Variants in NAA11 observed in about 807,000 individuals in gnomAD.
The protein encoded by NAA11 is N-alpha-acetyltransferase 11, NatA catalytic subunit, also known as N-alpha-acetyltransferase 11.
Under a neutral mutation model 16.1 loss-of-function variants are expected in NAA11, and 15 were observed. That is an observed-to-expected ratio of 0.93 (90% CI 0.62 to 1.44). The LOEUF is 1.44. Ranked by LOEUF, NAA11 falls within the 40% of genes most tolerant of loss-of-function variation. The pLI is 0.00. For missense variants in NAA11, 298 were observed against 291.3 expected (o/e 1.02, Z -0.17); for synonymous variants, 122 against 112.4 (o/e 1.09, Z -0.54).
intron 1 of NAA11, among the ~76,000 whole-genome samples, chr4:79,322,983 GC>G: frequency 6.6e-6 from 1 of 151,556 alleles, no homozygotes; most frequent in East Asian, 1.9e-4. Context: ...GCATTAAAAT[GC>G]AAAAAAAAAG....
At chr4:79,316,116 C>T (rs2110013975), downstream of NAA11, among the ~76,000 whole-genome samples, 1 of 152,268 alleles carries the variant, frequency 6.6e-6, no homozygotes, top group African/African-American at 2.4e-5. Context: ...CCTTCTGTTT[C>T]TCCATCTGCT....
At chr4:79,208,587 A>C in the NAA11 span, among the ~76,000 whole-genome samples, 1 of 152,140 alleles carries the variant, frequency 6.6e-6, no homozygotes, top group Non-Finnish European at 1.5e-5. Flanking sequence ...CATCTATAAA[A>C]GGAGAGATTA....
At chr4:79,302,623 A>G (rs1457741784) in intron 1 of NAA11, among the ~76,000 whole-genome samples, 1 of 152,154 alleles carries the variant, frequency 6.6e-6, no homozygotes, top group Admixed American at 6.5e-5. Flanking sequence ...ATATTTGTAT[A>G]TACATTTGTG....
rs1724271471 is a variant in NAA11, at chr4:79,326,014, TG to T, written c.-138del. ...CGGGCTGAATCGTGTGGAGGGCGGATGGCGGGAAGGCGGAAGGAGCAGGAGA... is the reference window on the plus strand; with the variant it reads ...CGGGCTGAATCGTGTGGAGGGCGGATGCGGGAAGGCGGAAGGAGCAGGAGA... On this transcript the variant is annotated 5_prime_UTR_variant, in exon 1 of 2. Coordinates refer to ENST00000286794, the MANE Select transcript of NAA11 (RefSeq NM_032693.3). 14 of 714,660 alleles carry T rather than the reference TG, an allele frequency of 2.0e-5. No homozygotes were observed. In the East Asian group the frequency reaches 3.8e-4, roughly 19 times the overall value. 44.3% of individuals were successfully genotyped at this position (714,660 alleles called of 1,614,324 possible).
intron 2 of NAA11, among the ~76,000 whole-genome samples, chr4:79,240,456 T>C (rs1341808047): frequency 2.6e-5 from 4 of 152,124 alleles, no homozygotes; most frequent in Non-Finnish European, 4.4e-5. Flanking sequence ...AATACAAGGG[T>C]CTGGAAATCA....
Position 79,265,057 on chromosome 4 carries a change from A to G in NAA11, c.*122+28948T>C, listed in dbSNP as rs189875205. ...GTCTCCTAAAACCTTTCCTTTTACA[A>G]TTTTCCCTATCTCAATAAATGGCAA... is the stretch of plus-strand genomic sequence containing the variant. On this transcript the variant is annotated intron_variant and NMD_transcript_variant, in intron 2 of 2. Coordinates refer to the NAA11 transcript ENST00000511542. Among the ~76,000 whole-genome samples, 693 of 152,148 alleles carry G rather than the reference A, an allele frequency of 4.6e-3. 7 individuals carry two copies. Among genetic ancestry groups the G allele is most frequent in the African/African-American group, 0.016 (647 of 41,502 alleles).
the NAA11 span, among the ~76,000 whole-genome samples, chr4:79,202,591 A>G: frequency 7.7e-6 from 1 of 130,404 alleles, no homozygotes; most frequent in Non-Finnish European, 1.7e-5. Context: ...GTAGTTTTAT[A>G]TATATAGTTT....
the NAA11 span, among the ~76,000 whole-genome samples, chr4:79,207,526 G>C: frequency 6.6e-6 from 1 of 152,078 alleles, no homozygotes; most frequent in Non-Finnish European, 1.5e-5. Flanking sequence ...CAGGAAGAGA[G>C]GCTTCACAAG....
chr4:79,325,086 A>T, intron 1 of NAA11, 90 bp downstream of exon 1: 1 of 1,202,170 alleles, frequency 8.3e-7, no homozygotes, highest in Non-Finnish European at 1.1e-6. Context: ...GCAGGGCCAG[A>T]ATGGGGTAAG....
Position 79,245,257 on chromosome 4 carries a change from G to A in NAA11, c.*123-18987C>T, listed in dbSNP as rs368322436. The A allele has an allele frequency of 2.8e-3, 454 of 160,374 alleles. 4 individuals are homozygous for A. The highest frequency in any genetic ancestry group is 0.01 in the African/African-American group (427 of 41,550). 9.9% of individuals were successfully genotyped at this position (160,374 alleles called of 1,614,324 possible). A position where few individuals can be genotyped will look rare whatever the true frequency, so the allele number is the denominator to read the frequency against. On this transcript the variant is annotated intron_variant and NMD_transcript_variant, in intron 2 of 2. Coordinates refer to the NAA11 transcript ENST00000511542. ...CTGGCTGCCCAGTCTGGGAAGTGAG[G>A]AGCGCCTCTTCCCGGGCCATCATCC...
At chr4:79,289,584 C>G (rs750610800) in intron 2 of NAA11, among the ~76,000 whole-genome samples, 73 of 152,098 alleles carry the variant, frequency 4.8e-4, no homozygotes, top group Non-Finnish European at 9.4e-4. Context: ...AAGAAAAAGC[C>G]AGAACTCAGA....
rs766788650 is a variant in NAA11 at position 79,325,809 on chromosome 4, A to G, written c.69T>C (p.Pro23=). 1 of 1,614,156 alleles carries G rather than the reference A, an allele frequency of 6.2e-7. No homozygotes were observed. The highest frequency in any genetic ancestry group is 8.5e-7 in the Non-Finnish European group (1 of 1,179,990). Residue 23 remains proline, a synonymous_variant, in exon 1 of 2, where the codon CCT becomes CCC. Coordinates refer to ENST00000286794, the MANE Select transcript of NAA11 (RefSeq NM_032693.3). ...AATAGTATTTCATCTGGTAGTTCTCAGGAAGGCAAAGGAGGTTGCAGTGTT... is the reference window on the plus strand; with the variant it reads ...AATAGTATTTCATCTGGTAGTTCTCGGGAAGGCAAAGGAGGTTGCAGTGTT... ...NMQHCNLLCL[P]ENYQMKYYLY...
chr4:79,279,013 C>T (rs1722728693), intron 2 of NAA11, among the ~76,000 whole-genome samples: 1 of 151,958 alleles, frequency 6.6e-6, no homozygotes, highest in South Asian at 2.1e-4. Flanking sequence ...GTTAGAGTAG[C>T]ATTAATCCAT....
intron 2 of NAA11, among the ~76,000 whole-genome samples, chr4:79,255,408 A>T (rs927899440): frequency 6.6e-6 from 1 of 151,922 alleles, no homozygotes; most frequent in Non-Finnish European, 1.5e-5. Flanking sequence ...TTTGTGTGCT[A>T]TATATTTCTT....
At chr4:79,256,712 G>A (rs1277463241) in intron 2 of NAA11, among the ~76,000 whole-genome samples, 3 of 148,574 alleles carry the variant, frequency 2.0e-5, no homozygotes, top group Admixed American at 1.3e-4. Context: ...GAGTGCAGTG[G>A]TGCCATCTTG....
At chr4:79,233,950 A>G (rs1345610894) in intron 2 of NAA11, among the ~76,000 whole-genome samples, 1 of 152,024 alleles carries the variant, frequency 6.6e-6, no homozygotes, top group Non-Finnish European at 1.5e-5. Context: ...TTTCTCAGGG[A>G]CTGTCACTTG....
At chr4:79,280,826 T>C (rs1722768711) in intron 2 of NAA11, among the ~76,000 whole-genome samples, 1 of 151,986 alleles carries the variant, frequency 6.6e-6, no homozygotes, top group Non-Finnish European at 1.5e-5. Context: ...GTTCATATGA[T>C]GGAATGAAGA....
chr4:79,319,647 A>T (rs1724031937), intron 1 of NAA11, among the ~76,000 whole-genome samples: 1 of 152,208 alleles, frequency 6.6e-6, no homozygotes, highest in African/African-American at 2.4e-5. Context: ...TTGAAAGGTG[A>T]CATTGTTAGA....
chr4:79,307,445 A>AT (rs200669891), intron 1 of NAA11, among the ~76,000 whole-genome samples: 14 of 151,804 alleles, frequency 9.2e-5, no homozygotes, highest in Admixed American at 2.6e-4. Context: ...TTGGCTGAGG[A>AT]TTTTTTTTTA....
Sources: gnomAD v4.1 joint callset for allele counts (sites outside exome capture counted in the v4.1 genomes callset) on GRCh38, gnomAD v4.1.1 for gene constraint, MANE v1.5 for transcripts, NCBI Gene and HGNC (gene_info 2026-07-23, HGNC 2026-07-21) for gene names.